The following VGLL4 variants were observed in gnomAD, a reference collection of about 807,000 sequenced individuals.
The protein encoded by VGLL4 is transcription cofactor vestigial-like protein 4.
Under a neutral mutation model 21.0 loss-of-function variants are expected in VGLL4, and 7 were observed. The ratio of observed to expected loss-of-function variants is 0.33; its 90% CI spans 0.19 to 0.63. The LOEUF (loss-of-function observed/expected upper bound fraction) is 0.63. Ranked by LOEUF, VGLL4 falls within the 20% of genes least tolerant of loss-of-function variation. VGLL4 has a pLI of 0.78. For synonymous variants in VGLL4, 222 were observed against 173.2 expected (o/e 1.28, Z -2.21); for missense variants, 394 against 425.7 (o/e 0.93, Z 0.66).
intron 2 of VGLL4, among the ~76,000 whole-genome samples, chr3:11,587,862 A>T (rs1177842128): frequency 1.3e-5 from 2 of 152,210 alleles, no homozygotes; most frequent in Non-Finnish European, 2.9e-5. Flanking sequence ...GGGGCTTCTT[A>T]CTGAGAGTCA....
chr3:11,706,969 C>T (rs889000581), intron 1 of VGLL4, among the ~76,000 whole-genome samples: 8 of 152,138 alleles, frequency 5.3e-5, no homozygotes, highest in African/African-American at 1.4e-4. Flanking sequence ...AGGCAGTTGT[C>T]ATCATCTGTC....
chr3:11,592,614 T>G (rs1361813355), intron 2 of VGLL4, among the ~76,000 whole-genome samples: 1 of 152,210 alleles, frequency 6.6e-6, no homozygotes, highest in African/African-American at 2.4e-5. Context: ...CTATCAGGCA[T>G]TAGGGTCCAG....
chr3:11,681,416 G>T (rs534846902), intron 2 of VGLL4, among the ~76,000 whole-genome samples: 1 of 152,126 alleles, frequency 6.6e-6, no homozygotes, highest in Non-Finnish European at 1.5e-5. Flanking sequence ...CAGGAGCCTG[G>T]CTGTGCTCTA....
chr3:11,648,842 T>C (rs2125339554), upstream of VGLL4, among the ~76,000 whole-genome samples: 2 of 152,348 alleles, frequency 1.3e-5, 1 homozygote, highest in Admixed American at 1.3e-4. Flanking sequence ...CAGCTACCAA[T>C]TTAACAAAAA....
intron 1 of VGLL4, among the ~76,000 whole-genome samples, chr3:11,632,103 C>G (rs1013799466): frequency 1.3e-5 from 2 of 152,134 alleles, no homozygotes; most frequent in African/African-American, 4.8e-5. Flanking sequence ...CGCCTGAGGT[C>G]AGGAGTTCAA....
At chr3:11,718,989 G>A (rs1290119138) in intron 1 of VGLL4, among the ~76,000 whole-genome samples, 3 of 152,198 alleles carry the variant, frequency 2.0e-5, no homozygotes, top group Non-Finnish European at 4.4e-5. Flanking sequence ...AATGTCTCAG[G>A]GTGATGAATC....
chr3:11,631,844 T>G lies in VGLL4; in HGVS notation c.82+11593A>C, dbSNP rs1419285342. Among the ~76,000 whole-genome samples, 6 of 152,178 alleles carry G rather than the reference T, an allele frequency of 3.9e-5. No individual in the cohort carries two copies. The East Asian group carries it at 1.2e-3, about 29-fold the overall frequency. On this transcript the variant is annotated intron_variant, in intron 1 of 4. Coordinates refer to ENST00000430365, the MANE Select transcript of VGLL4 (RefSeq NM_001128219.3). ...GGAAAATCCCAGTCCATTATCCCAA[T>G]TAAGCCCCAGGTTTGCATTTTATCT... is the stretch of plus-strand genomic sequence containing the variant.
intron 2 of VGLL4, among the ~76,000 whole-genome samples, chr3:11,585,233 C>T (rs560198336): frequency 6.7e-4 from 102 of 151,934 alleles, no homozygotes; most frequent in African/African-American, 2.1e-3. Context: ...GTCAGGAGTT[C>T]GACACCACCC....
intron 2 of VGLL4, among the ~76,000 whole-genome samples, chr3:11,661,365 T>A (rs1298184112): frequency 6.6e-6 from 1 of 152,152 alleles, no homozygotes; most frequent in African/African-American, 2.4e-5. Context: ...AAAAGGTCAA[T>A]GAAGACACAC....
intron 2 of VGLL4, among the ~76,000 whole-genome samples, chr3:11,585,733 T>C (rs184469979): frequency 2.6e-5 from 4 of 152,318 alleles, no homozygotes; most frequent in Non-Finnish European, 5.9e-5. Context: ...CATGAGGTGT[T>C]TAATTTATTC....
At chr3:11,677,886 C>T (rs118009181) in intron 2 of VGLL4, among the ~76,000 whole-genome samples, 48 of 128,260 alleles carry the variant, frequency 3.7e-4, no homozygotes, top group East Asian at 1.3e-3. Flanking sequence ...TCCAGCCTGG[C>T]GACAGAGCAA....
chr3:11,581,508 A>G (rs1689788733), intron 2 of VGLL4, among the ~76,000 whole-genome samples: 1 of 152,100 alleles, frequency 6.6e-6, no homozygotes, highest in Non-Finnish European at 1.5e-5. Flanking sequence ...TCCATTTTCA[A>G]CCCAGCTTCA....
intron 2 of VGLL4, among the ~76,000 whole-genome samples, chr3:11,579,751 G>A (rs1239701257): frequency 6.6e-6 from 1 of 151,992 alleles, no homozygotes; most frequent in Admixed American, 6.6e-5. Context: ...CTTTGTACGA[G>A]GGCTTCCAAA....
At chr3:11,586,486 C>T (rs930748074) in intron 2 of VGLL4, among the ~76,000 whole-genome samples, 1 of 152,154 alleles carries the variant, frequency 6.6e-6, no homozygotes, top group Admixed American at 6.5e-5. Flanking sequence ...CAGATTCAAC[C>T]GATCATGGAT....
chr3:11,628,629 G>C (rs558722664), intron 1 of VGLL4, among the ~76,000 whole-genome samples: 19 of 151,258 alleles, frequency 1.3e-4, no homozygotes, highest in Admixed American at 4.6e-4. Flanking sequence ...GACCATCCTA[G>C]CTAACACGGT....
intron 2 of VGLL4, among the ~76,000 whole-genome samples, chr3:11,595,188 A>G (rs57990251): frequency 0.11 from 17,111 of 152,204 alleles, 1,162 homozygotes; most frequent in East Asian, 0.25. Flanking sequence ...AAACAAAATA[A>G]GAAAACACCA....
intron 2 of VGLL4, among the ~76,000 whole-genome samples, chr3:11,592,595 C>T (rs1038986124): frequency 6.6e-6 from 1 of 152,192 alleles, no homozygotes; most frequent in Admixed American, 6.5e-5. Context: ...TAGGCTGCAT[C>T]GTCCCAAACT....
At chr3:11,574,799 G>A (rs1479221940) in intron 2 of VGLL4, among the ~76,000 whole-genome samples, 1 of 132,990 alleles carries the variant, frequency 7.5e-6, no homozygotes, top group African/African-American at 3.6e-5. Flanking sequence ...GTGTGTGTGT[G>A]TGTGTGTGTG....
intron 2 of VGLL4, among the ~76,000 whole-genome samples, chr3:11,691,388 A>G (rs928180420): frequency 1.3e-5 from 2 of 151,996 alleles, no homozygotes; most frequent in African/African-American, 4.8e-5. Context: ...CCACATTCCT[A>G]TGGGAAATCA....
Sources: allele counts gnomAD v4.1 joint callset (sites outside exome capture counted in the v4.1 genomes callset), GRCh38; gene constraint gnomAD v4.1.1; transcripts MANE v1.5; gene names NCBI Gene and HGNC (gene_info 2026-07-23, HGNC 2026-07-21).